PLVAP: variants seen among roughly 807,000 people sequenced by gnomAD.
PLVAP encodes plasmalemma vesicle associated protein.
PLVAP carries 34 observed loss-of-function variants against 43.1 expected under a neutral mutation model. The ratio of observed to expected loss-of-function variants is 0.79; its 90% CI spans 0.60 to 1.05. The LOEUF is 1.05. PLVAP is among the 50% of genes least tolerant of loss of function. The pLI is 0.00. For synonymous variants in PLVAP, 241 were observed against 237.3 expected (o/e 1.02, Z -0.14); for missense variants, 574 against 593.4 (o/e 0.97, Z 0.34).
chr19:17,365,556 G>C lies in PLVAP; in HGVS notation c.909C>G (p.Asp303Glu). ...GGGCTTCCAGCTTCTGGCGTTGGAGGTCTGAGTTCTCGCGGGCCACGCGTT... is the reference window on the plus strand; with the variant it reads ...GGGCTTCCAGCTTCTGGCGTTGGAGCTCTGAGTTCTCGCGGGCCACGCGTT... The part of the protein sequence containing the change: ...DIERVARENS[D>E]LQRQKLEAQQ... The change falls in exon 3 of 6, where the codon GAC (aspartate) becomes GAG (glutamate). Residue 303 changes from aspartate to glutamate, a missense_variant. Asp to Glu is a conservative substitution (Grantham distance 45). Transcript: ENST00000252590. 1 of 1,611,942 alleles carries C rather than the reference G, an allele frequency of 6.2e-7. No individual in the cohort carries two copies. Among genetic ancestry groups the C allele is most frequent in the Non-Finnish European group, 8.5e-7 (1 of 1,180,014 alleles).
intron 1 of PLVAP, 64 bp downstream of exon 1, chr19:17,376,856 G>A: frequency 6.8e-7 from 1 of 1,470,864 alleles, no homozygotes; most frequent in Non-Finnish European, 9.2e-7. Flanking sequence ...AGGAAACTCA[G>A]GCTCAGAGAG....
At chr19:17,354,582 G>T (rs1355963668) in intron 5 of PLVAP, among the ~76,000 whole-genome samples, 1 of 123,312 alleles carries the variant, frequency 8.1e-6, no homozygotes, top group Admixed American at 9.2e-5. Context: ...GGAAAACAGA[G>T]CGAGACTCTG....
At chr19:17,371,656 A>G (rs984593466) in intron 1 of PLVAP, among the ~76,000 whole-genome samples, 2 of 151,830 alleles carry the variant, frequency 1.3e-5, no homozygotes, top group East Asian at 3.9e-4. Flanking sequence ...ACTCCTGGCT[A>G]ATTTTTTATA....
rs77475534 is a variant in PLVAP at position 17,374,826 on chromosome 19, G to GTATTTATT, written c.369+2086_369+2093dup. On this transcript the variant is annotated intron_variant, in intron 1 of 5. Coordinates refer to ENST00000252590, the MANE Select transcript of PLVAP (RefSeq NM_031310.3). ...TGTATGTATGTATGTATGTATGTATGTATTTATTTTTAGACAGAGTCTCCC... is the reference window on the plus strand; with the variant it reads ...TGTATGTATGTATGTATGTATGTATGTATTTATTTATTTATTTTTAGACAGAGTCTCCC... 7.0e-4 allele frequency among the ~76,000 whole-genome samples: 105 copies of GTATTTATT among 149,488 alleles called. 1 individual carries two copies. Among genetic ancestry groups the GTATTTATT allele is most frequent in the African/African-American group, 2.3e-3 (91 of 40,360 alleles).
chr19:17,373,136 G>C (rs1474495883), intron 1 of PLVAP, among the ~76,000 whole-genome samples: 2 of 151,124 alleles, frequency 1.3e-5, no homozygotes, highest in African/African-American at 2.4e-5. Flanking sequence ...TCTGAGAGGG[G>C]AGGCAGGGCT....
At chr19:17,354,837 G>A (rs1328940982) in intron 5 of PLVAP, among the ~76,000 whole-genome samples, 2 of 148,244 alleles carry the variant, frequency 1.3e-5, no homozygotes, top group Non-Finnish European at 3.0e-5. Context: ...GGCAGAGCTT[G>A]CAGTGAGCCG....
chr19:17,366,052 T>C, intron 2 of PLVAP, 47 bp downstream of exon 2: 1 of 1,612,462 alleles, frequency 6.2e-7, no homozygotes, highest in Non-Finnish European at 8.5e-7. Context: ...CCGAGAGCAC[T>C]GGGCAGGGAG....
chr19:17,363,741 A>AT (rs35934458), intron 3 of PLVAP, among the ~76,000 whole-genome samples: 5,356 of 120,910 alleles, frequency 0.044, 386 homozygotes, highest in African/African-American at 0.15. Context: ...CACCCGGCTA[A>AT]TTTTTTTTTT....
At chr19:17,356,796 C>T (rs1313993849) in intron 5 of PLVAP, among the ~76,000 whole-genome samples, 2 of 150,562 alleles carry the variant, frequency 1.3e-5, no homozygotes, top group Non-Finnish European at 3.0e-5. Context: ...CCCGTCTCTA[C>T]TAAAAAAACA....
intron 5 of PLVAP, among the ~76,000 whole-genome samples, chr19:17,357,665 A>C (rs1391146586): frequency 3.3e-5 from 5 of 152,080 alleles, no homozygotes; most frequent in African/African-American, 1.2e-4. Flanking sequence ...CCCTGTCTCG[A>C]AAAAAATAAT....
At chr19:17,371,380 G>A (rs1221405835) in intron 1 of PLVAP, among the ~76,000 whole-genome samples, 4 of 151,780 alleles carry the variant, frequency 2.6e-5, no homozygotes, top group African/African-American at 9.7e-5. Flanking sequence ...AGGTGGTTTC[G>A]AACTCCTGAC....
chr19:17,352,283 G>C lies in PLVAP; in HGVS notation c.*79C>G. Reference sequence around the variant, plus strand: ...GGGGGCGGCGGGAGGGGGTTGTGTCGGGCGCTGTGAGCATATCCCTGCATC... The same window carrying C: ...GGGGGCGGCGGGAGGGGGTTGTGTCCGGCGCTGTGAGCATATCCCTGCATC... On this transcript the variant is annotated 3_prime_UTR_variant, in exon 6 of 6. Transcript: ENST00000252590. 4.4e-6 allele frequency: 7 copies of C among 1,577,832 alleles called. No homozygotes were observed. Among genetic ancestry groups the C allele is most frequent in the Non-Finnish European group, 6.1e-6 (7 of 1,150,454 alleles).
chr19:17,368,159 C>T (rs1568376099), intron 1 of PLVAP, among the ~76,000 whole-genome samples: 1 of 150,720 alleles, frequency 6.6e-6, no homozygotes, highest in African/African-American at 2.4e-5. Flanking sequence ...GCAACCTCCA[C>T]CTCCCGAGTT....
At chr19:17,367,309 G>A (rs529409931) in intron 1 of PLVAP, among the ~76,000 whole-genome samples, 1 of 152,038 alleles carries the variant, frequency 6.6e-6, no homozygotes, top group Admixed American at 6.6e-5. Context: ...CGAACTCCTG[G>A]GTTCCAGTGA....
At chr19:17,359,944 C>T (rs889841253) in intron 5 of PLVAP, among the ~76,000 whole-genome samples, 1 of 152,176 alleles carries the variant, frequency 6.6e-6, no homozygotes, top group Non-Finnish European at 1.5e-5. Flanking sequence ...CCTTCCCTCA[C>T]CCCCGTCCAG....
chr19:17,358,252 A>G, intron 5 of PLVAP, among the ~76,000 whole-genome samples: 1 of 133,488 alleles, frequency 7.5e-6, no homozygotes, highest in African/African-American at 3.2e-5. Flanking sequence ...CCTGTTGGAG[A>G]GGGTATGCAA....
At chr19:17,375,828 G>C (rs7256385) in intron 1 of PLVAP, among the ~76,000 whole-genome samples, 119,691 of 150,630 alleles carry the variant, frequency 0.79, 48,887 homozygotes, top group Non-Finnish European at 0.91. Flanking sequence ...TTGCAGTGAG[G>C]CGAGATTGTG....
intron 1 of PLVAP, among the ~76,000 whole-genome samples, chr19:17,373,700 A>C (rs1229956107): frequency 1.3e-5 from 2 of 152,018 alleles, no homozygotes; most frequent in East Asian, 3.9e-4. Context: ...ACACGGGGAT[A>C]ATTGTCTAGT....
Position 17,376,957 on chromosome 19 carries a change from C to A in PLVAP, c.332G>T (p.Arg111Leu), listed in dbSNP as rs144117840. 1 of 1,613,950 alleles carries A rather than the reference C, an allele frequency of 6.2e-7. No homozygotes were observed. Among genetic ancestry groups the A allele is most frequent in the Non-Finnish European group, 8.5e-7 (1 of 1,179,974 alleles). The change falls in exon 1 of 6, where the codon CGC becomes CTC. Residue 111 changes from arginine (R) to leucine (L), a missense_variant. By Grantham distance (102) the Arg-to-Leu change is moderately radical. Coordinates refer to ENST00000252590, the MANE Select transcript of PLVAP (RefSeq NM_031310.3). Reference protein sequence around the residue: ...MWLNARRDLDRINASFRQCQG... With the variant: ...MWLNARRDLDLINASFRQCQG... ...GCACTGGCGGAAGCTGGCATTGATG[C>A]GGTCCAGGTCGCGGCGAGCATTCAG...
Sources: gnomAD v4.1 joint callset for allele counts (sites outside exome capture counted in the v4.1 genomes callset) on GRCh38, gnomAD v4.1.1 for gene constraint, MANE v1.5 for transcripts, NCBI Gene and HGNC (gene_info 2026-07-23, HGNC 2026-07-21) for gene names.